CNTNAP2: variants seen among roughly 807,000 people sequenced by gnomAD.
CNTNAP2 encodes contactin associated protein 2, also known as contactin-associated protein-like 2.
Under a neutral mutation model 155.2 loss-of-function variants are expected in CNTNAP2, and 98 were observed. The ratio of observed to expected loss-of-function variants is 0.63; its 90% CI spans 0.54 to 0.75. The LOEUF is 0.75. CNTNAP2 is among the 30% of genes least tolerant of loss of function. The probability of loss-of-function intolerance (pLI) is 0.00; values close to 1 mark genes in which losing one functional copy is unlikely to be tolerated. For synonymous variants in CNTNAP2, 651 were observed against 631.2 expected, an observed-to-expected ratio of 1.03 and a Z score of -0.47; for missense variants, 1,727 against 1,688.1, an observed-to-expected ratio of 1.02 and a Z score of -0.40.
At chr7:146,604,433 G>A (rs1213612696) in intron 1 of CNTNAP2, among the ~76,000 whole-genome samples, 38 of 132,214 alleles carry the variant, frequency 2.9e-4, no homozygotes, top group Middle Eastern at 7.6e-3. Context: ...AACAGGTGCT[G>A]GAGAGGATGT....
chr7:146,259,993 T>C (rs1799896664), intron 1 of CNTNAP2, among the ~76,000 whole-genome samples: 1 of 152,182 alleles, frequency 6.6e-6, no homozygotes, highest in Non-Finnish European at 1.5e-5. Context: ...CCCAGGGCGA[T>C]GCTGTTCTGT....
At chr7:146,564,647 T>C (rs1798330085) in intron 1 of CNTNAP2, among the ~76,000 whole-genome samples, 1 of 150,488 alleles carries the variant, frequency 6.6e-6, no homozygotes, top group South Asian at 2.1e-4. Context: ...TATAAACATA[T>C]ATTTAGAATA....
intron 15 of CNTNAP2, among the ~76,000 whole-genome samples, chr7:148,072,732 G>A (rs1259074992): frequency 6.6e-6 from 1 of 152,146 alleles, no homozygotes; most frequent in Non-Finnish European, 1.5e-5. Flanking sequence ...TTTTGAGACA[G>A]CATCTCACTC....
chr7:146,574,172 C>A (rs1040122491), intron 1 of CNTNAP2, among the ~76,000 whole-genome samples: 1 of 145,428 alleles, frequency 6.9e-6, no homozygotes, highest in Non-Finnish European at 1.5e-5. Context: ...AGTATTTCTC[C>A]TTAATCCCTT....
chr7:146,241,594 G>A (rs994525389), intron 1 of CNTNAP2, among the ~76,000 whole-genome samples: 1 of 140,564 alleles, frequency 7.1e-6, no homozygotes, highest in Non-Finnish European at 1.5e-5. Context: ...AGATGCCTAA[G>A]TCATTAATGT....
chr7:146,536,018 T>C (rs1261773716), intron 1 of CNTNAP2, among the ~76,000 whole-genome samples: 2 of 152,124 alleles, frequency 1.3e-5, no homozygotes, highest in Non-Finnish European at 2.9e-5. Context: ...GTAAGTATTG[T>C]GCTGCAACAG....
At chr7:147,901,549 C>G (rs1204353813) in intron 13 of CNTNAP2, among the ~76,000 whole-genome samples, 1 of 152,140 alleles carries the variant, frequency 6.6e-6, no homozygotes, top group Non-Finnish European at 1.5e-5. Flanking sequence ...GAATATAGTC[C>G]TATACATATT....
At chr7:146,144,299 G>C (rs972490500) in intron 1 of CNTNAP2, among the ~76,000 whole-genome samples, 2 of 151,894 alleles carry the variant, frequency 1.3e-5, no homozygotes, top group African/African-American at 4.8e-5. Flanking sequence ...CCACAGGTGC[G>C]CACCAGCGTG....
At chr7:148,113,423 C>T (rs73472271) in intron 15 of CNTNAP2, among the ~76,000 whole-genome samples, 3,090 of 152,234 alleles carry the variant, frequency 0.02, 123 homozygotes, top group African/African-American at 0.071. Context: ...TGAGAAACCG[C>T]CCCCAGGATC....
intron 11 of CNTNAP2, among the ~76,000 whole-genome samples, chr7:147,505,428 T>A (rs971850864): frequency 6.6e-6 from 1 of 152,120 alleles, no homozygotes; most frequent in African/African-American, 2.4e-5. Context: ...AGCAGCGACA[T>A]GCAAAAATCT....
At chr7:146,637,160 T>A (rs1446415703) in intron 1 of CNTNAP2, among the ~76,000 whole-genome samples, 1 of 152,358 alleles carries the variant, frequency 6.6e-6, no homozygotes, top group African/African-American at 2.4e-5. Flanking sequence ...GAATGCTTCA[T>A]AAATTCTTGC....
intron 11 of CNTNAP2, among the ~76,000 whole-genome samples, chr7:147,540,244 AC>A (rs1046481740): frequency 6.6e-6 from 1 of 151,258 alleles, no homozygotes; most frequent in Non-Finnish European, 1.5e-5. Flanking sequence ...GTCACTCCAG[AC>A]CCCCCAGAAC....
intron 15 of CNTNAP2, among the ~76,000 whole-genome samples, chr7:148,001,707 A>G (rs1438156439): frequency 6.6e-6 from 1 of 152,244 alleles, no homozygotes; most frequent in Non-Finnish European, 1.5e-5. Flanking sequence ...TTTGATAACC[A>G]ATGTGTCTAT....
chr7:146,368,429 G>A lies in CNTNAP2; in HGVS notation c.97+251456G>A, dbSNP rs866252326. ...AGATTGGTATGGTATTGTACGGTACGGTGTGGTATGGTATGGTTTGGTACC... is the reference window on the plus strand; with the variant it reads ...AGATTGGTATGGTATTGTACGGTACAGTGTGGTATGGTATGGTTTGGTACC... On this transcript the variant is annotated intron_variant, in intron 1 of 23. Coordinates refer to ENST00000361727, the MANE Select transcript of CNTNAP2 (RefSeq NM_014141.6). Among the ~76,000 whole-genome samples, 22 of 152,046 alleles carry A rather than the reference G, an allele frequency of 1.4e-4. No individual in the cohort carries two copies. The South Asian group carries it at 1.5e-3, about 10-fold the overall frequency.
intron 3 of CNTNAP2, among the ~76,000 whole-genome samples, chr7:146,864,682 A>G (rs1014393056): frequency 6.6e-6 from 1 of 152,146 alleles, no homozygotes; most frequent in African/African-American, 2.4e-5. Context: ...AATCAATCTT[A>G]AAAACAAAAC....
intron 1 of CNTNAP2, among the ~76,000 whole-genome samples, chr7:146,543,423 C>T (rs924663973): frequency 1.3e-5 from 2 of 151,868 alleles, no homozygotes; most frequent in East Asian, 3.9e-4. Flanking sequence ...CATTCAGCCC[C>T]CTCCCATAAG....
intron 15 of CNTNAP2, among the ~76,000 whole-genome samples, chr7:148,029,118 C>A (rs56916051): frequency 1.3e-5 from 2 of 151,988 alleles, no homozygotes; most frequent in Non-Finnish European, 2.9e-5. Context: ...TTTAACCTCT[C>A]TTAGGAGATG....
At chr7:146,810,527 T>C (rs1803046556) in intron 2 of CNTNAP2, among the ~76,000 whole-genome samples, 1 of 152,124 alleles carries the variant, frequency 6.6e-6, no homozygotes, top group Admixed American at 6.6e-5. Context: ...TTTAGTTTTC[T>C]AGTTATAAAA....
intron 1 of CNTNAP2, among the ~76,000 whole-genome samples, chr7:146,145,052 A>T (rs1029043523): frequency 2.0e-5 from 3 of 152,208 alleles, no homozygotes; most frequent in Admixed American, 2.0e-4. Flanking sequence ...TGGACTGGTC[A>T]GATACAACAG....
Sources: gnomAD v4.1 joint callset for allele counts (sites outside exome capture counted in the v4.1 genomes callset) on GRCh38, gnomAD v4.1.1 for gene constraint, MANE v1.5 for transcripts, NCBI Gene and HGNC (gene_info 2026-07-23, HGNC 2026-07-21) for gene names.